CSMD3: variants seen among roughly 807,000 people sequenced by gnomAD.
CSMD3 encodes CUB and Sushi multiple domains 3, also known as CUB and sushi domain-containing protein 3.
Under a neutral mutation model 435.2 loss-of-function variants are expected in CSMD3, and 177 were observed. That is an observed-to-expected ratio of 0.41 (90% confidence interval 0.36 to 0.46). The LOEUF is 0.46. Ranked by LOEUF, CSMD3 falls within the 20% of genes least tolerant of loss-of-function variation. CSMD3 has a pLI of 0.34. For synonymous variants in CSMD3, 1,656 were observed against 1,520.5 expected (o/e 1.09, Z -2.07); for missense variants, 4,265 against 4,504.6 (o/e 0.95, Z 1.52).
Position 112,925,519 on chromosome 8 carries a change from C to T in CSMD3, c.1509-3768G>A, listed in dbSNP as rs140346351. 1.8e-3 allele frequency among the ~76,000 whole-genome samples: 271 copies of T among 151,424 alleles called. 1 individual carries two copies. Among genetic ancestry groups the T allele is most frequent in the African/African-American group, 5.6e-3 (231 of 41,258 alleles). ...TGGAACTTGCAGTGAGCTGAGATCG[C>T]GCTACTGCACTCGACAGAGGGAGAC... On this transcript the variant is annotated intron_variant, in intron 9 of 70. Coordinates refer to ENST00000297405, the MANE Select transcript of CSMD3 (RefSeq NM_198123.2).
chr8:113,235,131 C>T (rs2093133323), intron 3 of CSMD3, among the ~76,000 whole-genome samples: 1 of 152,064 alleles, frequency 6.6e-6, no homozygotes, highest in South Asian at 2.1e-4. Context: ...TGGTGAAAGT[C>T]TTCGGCAGGG....
rs187672514 is a variant in CSMD3, at chr8:113,142,261, A to G, written c.709+31461T>C. On this transcript the variant is annotated intron_variant, in intron 4 of 70. Transcript: ENST00000297405. ...CAACATGTTTTTATTATAGACATAGACAAACTTAATCTAAAATTTATATGA... is the reference window on the plus strand; with the variant it reads ...CAACATGTTTTTATTATAGACATAGGCAAACTTAATCTAAAATTTATATGA... Among the ~76,000 whole-genome samples the G allele has an allele frequency of 5.2e-3, 785 of 151,400 alleles. 11 individuals are homozygous for G. The highest frequency in any genetic ancestry group is 0.018 in the African/African-American group (760 of 41,464).
chr8:112,494,569 T>G (rs867461789), intron 30 of CSMD3, among the ~76,000 whole-genome samples: 1 of 145,004 alleles, frequency 6.9e-6, no homozygotes, highest in African/African-American at 2.6e-5. Context: ...CTTTCTTTCT[T>G]TCTTTTCTTT....
intron 3 of CSMD3, among the ~76,000 whole-genome samples, chr8:113,275,639 A>G (rs1464046232): frequency 6.6e-6 from 1 of 152,078 alleles, no homozygotes; most frequent in East Asian, 1.9e-4. Flanking sequence ...ATGATTATAT[A>G]GAGGAGGATG....
chr8:112,299,295 T>C (rs1263214768), intron 53 of CSMD3, among the ~76,000 whole-genome samples: 1 of 152,100 alleles, frequency 6.6e-6, no homozygotes, highest in African/African-American at 2.4e-5. Flanking sequence ...CACTGATGTA[T>C]ACATTTGTCA....
rs1055301985 is a variant in CSMD3 at position 112,292,824 on chromosome 8, T to C, written c.8615-114A>G. ...ATTTCAAACAAAGTAGAAAGAAGAC[T>C]ACTTTTTATCTGGAAATATACGGAA... is the stretch of plus-strand genomic sequence containing the variant. On this transcript the variant is annotated intron_variant, in intron 54 of 70. Transcript: ENST00000297405. The C allele has an allele frequency of 1.3e-5, 12 of 908,270 alleles. No individual in the cohort carries two copies. In the African/African-American group the frequency reaches 2.0e-4, roughly 15 times the overall value. 56.3% of individuals were successfully genotyped at this position (908,270 alleles called of 1,614,324 possible).
At chr8:113,322,735 C>T (rs538839432) in intron 1 of CSMD3, among the ~76,000 whole-genome samples, 3 of 151,964 alleles carry the variant, frequency 2.0e-5, no homozygotes, top group East Asian at 3.9e-4. Context: ...TTATGAAAAC[C>T]TTCATTTATA....
At chr8:113,261,626 T>C (rs557248786) in intron 3 of CSMD3, among the ~76,000 whole-genome samples, 1 of 152,098 alleles carries the variant, frequency 6.6e-6, no homozygotes, top group Admixed American at 6.6e-5. Context: ...ATTTACCTCA[T>C]TGGCAACATT....
intron 4 of CSMD3, among the ~76,000 whole-genome samples, chr8:113,156,835 G>C (rs2091943186): frequency 6.6e-6 from 1 of 151,924 alleles, no homozygotes; most frequent in African/African-American, 2.4e-5. Flanking sequence ...GGAGGCTGAG[G>C]TGGGAGGATC....
chr8:112,511,710 A>G (rs922892573), intron 28 of CSMD3, among the ~76,000 whole-genome samples: 4 of 152,040 alleles, frequency 2.6e-5, no homozygotes, highest in Non-Finnish European at 5.9e-5. Flanking sequence ...GTAAAATAAG[A>G]TAATAAAGAA....
intron 22 of CSMD3, among the ~76,000 whole-genome samples, chr8:112,621,278 T>C (rs1054751175): frequency 3.3e-5 from 5 of 152,088 alleles, no homozygotes; most frequent in South Asian, 4.1e-4. Flanking sequence ...AAAATATATA[T>C]GGCAAAATAT....
chr8:112,581,521 G>A (rs1039511219), intron 23 of CSMD3, among the ~76,000 whole-genome samples: 2 of 151,938 alleles, frequency 1.3e-5, no homozygotes, highest in African/African-American at 4.8e-5. Context: ...ACTTTTATTA[G>A]ATTAGAAACA....
chr8:113,392,266 T>C (rs952699286), intron 1 of CSMD3, among the ~76,000 whole-genome samples: 1 of 152,026 alleles, frequency 6.6e-6, no homozygotes, highest in Admixed American at 6.6e-5. Flanking sequence ...TTACACCAAA[T>C]CAATAAAGTG....
At chr8:112,502,285 C>T (rs1822046486) in intron 30 of CSMD3, among the ~76,000 whole-genome samples, 1 of 152,160 alleles carries the variant, frequency 6.6e-6, no homozygotes, top group African/African-American at 2.4e-5. Flanking sequence ...TGCAGAAAAC[C>T]CCAATAAACA....
At chr8:112,274,404 G>A (rs1817833179) in intron 59 of CSMD3, among the ~76,000 whole-genome samples, 1 of 152,140 alleles carries the variant, frequency 6.6e-6, no homozygotes, top group African/African-American at 2.4e-5. Flanking sequence ...CAGACTCCTT[G>A]AGTTGAGAAG....
chr8:113,035,642 A>G (rs1433195434), intron 5 of CSMD3, among the ~76,000 whole-genome samples: 1 of 152,024 alleles, frequency 6.6e-6, no homozygotes, highest in Non-Finnish European at 1.5e-5. Flanking sequence ...TAAATAAAAT[A>G]TACATCAATA....
chr8:113,074,039 T>C (rs563415159), intron 5 of CSMD3, among the ~76,000 whole-genome samples: 28 of 151,994 alleles, frequency 1.8e-4, no homozygotes, highest in African/African-American at 6.7e-4. Flanking sequence ...ACTTTATTGC[T>C]AAATATTATC....
chr8:112,407,626 G>T (rs562500167), intron 34 of CSMD3, among the ~76,000 whole-genome samples: 5 of 152,094 alleles, frequency 3.3e-5, no homozygotes, highest in Admixed American at 2.0e-4. Flanking sequence ...ATAGTCAACT[G>T]ATAAATGGGG....
At chr8:113,094,361 T>G (rs554668928) in intron 5 of CSMD3, among the ~76,000 whole-genome samples, 1 of 152,270 alleles carries the variant, frequency 6.6e-6, no homozygotes. Flanking sequence ...TTAGTTACTG[T>G]AACTTTTTCC....
Sources: gnomAD v4.1 joint callset for allele counts (sites outside exome capture counted in the v4.1 genomes callset) on GRCh38, gnomAD v4.1.1 for gene constraint, MANE v1.5 for transcripts, NCBI Gene and HGNC (gene_info 2026-07-23, HGNC 2026-07-21) for gene names.